The following WDR18 variants were observed in gnomAD, a reference collection of about 807,000 sequenced individuals.
The protein encoded by WDR18 is WD repeat domain 18.
Under a neutral mutation model 49.6 loss-of-function variants are expected in WDR18, and 33 were observed. That is an observed-to-expected ratio of 0.67 (90% CI 0.50 to 0.89). The LOEUF is 0.89. Among genes scored for constraint, WDR18 ranks in the 40% least tolerant of loss-of-function variants. The pLI, the probability that WDR18 is intolerant of heterozygous loss-of-function variation, is 0.00. For synonymous variants in WDR18, 315 were observed against 263.6 expected (o/e 1.19, Z -1.89); for missense variants, 653 against 593.6 (o/e 1.10, Z -1.04).
rs1193532995 is a variant in WDR18 at position 991,151 on chromosome 19, G to A, written c.806+6G>A. 2 of 1,567,812 alleles carry A rather than the reference G, an allele frequency of 1.3e-6. No individual in the cohort carries two copies. The highest frequency in any genetic ancestry group is 1.4e-5 in the African/African-American group (1 of 73,678). On this transcript the variant is annotated splice_donor_region_variant and intron_variant, in intron 6 of 9. Coordinates refer to ENST00000585809, the MANE Select transcript of WDR18 (RefSeq NM_024100.4). ...AAGGTCTTCAAAGGGCACAGGTGGGGACGTGGGAACGGGGCGGGGGCTCCC... is the reference window on the plus strand; with the variant it reads ...AAGGTCTTCAAAGGGCACAGGTGGGAACGTGGGAACGGGGCGGGGGCTCCC...
chr19:986,336 C>G lies in WDR18; in HGVS notation c.321+361C>G, dbSNP rs760084347. The stretch of plus-strand genomic sequence containing the variant: ...GGCGGCCGGGCGCAGTGGCTCATGC[C>G]GGTAGTCAATGCAACCTCTGCCTCC... On this transcript the variant is annotated intron_variant, in intron 2 of 9. Coordinates refer to ENST00000585809, the MANE Select transcript of WDR18 (RefSeq NM_024100.4). Among the ~76,000 whole-genome samples, 8 of 152,192 alleles carry G rather than the reference C, an allele frequency of 5.3e-5. 1 individual carries two copies. The highest frequency in any genetic ancestry group is 8.8e-5 in the Non-Finnish European group (6 of 68,038).
intron 3 of WDR18, 73 bp downstream of exon 3, chr19:989,968 C>A (rs1422119181): frequency 1.3e-6 from 2 of 1,526,572 alleles, no homozygotes; most frequent in Admixed American, 4.2e-5. Context: ...GGCGCCAAGG[C>A]CCCTGGCGGG....
chr19:988,665 C>T (rs1417844444), intron 2 of WDR18, among the ~76,000 whole-genome samples: 1 of 152,194 alleles, frequency 6.6e-6, no homozygotes, highest in Admixed American at 6.5e-5. Flanking sequence ...ATCAAGATGT[C>T]TGTGGGGCCA....
chr19:983,395 G>A (rs920365911), upstream of WDR18, among the ~76,000 whole-genome samples: 37 of 152,000 alleles, frequency 2.4e-4, no homozygotes, highest in African/African-American at 8.4e-4. Flanking sequence ...GGGTTCAAGC[G>A]ATTCTCCTGC....
chr19:993,919 C>G, intron 8 of WDR18, 101 bp from the exon 9 acceptor site: 1 of 1,358,280 alleles, frequency 7.4e-7, no homozygotes. Flanking sequence ...GGTGGCCCCT[C>G]CCTGGCTGAG....
rs1406412987 is a variant in WDR18 at position 994,071 on chromosome 19, T to A, written c.1150T>A (p.Cys384Ser). The A allele has an allele frequency of 6.4e-7, 1 of 1,559,138 alleles. No individual in the cohort carries two copies. The highest frequency in any genetic ancestry group is 1.2e-5 in the South Asian group (1 of 84,850). Residue 384 changes from cysteine (C) to serine (S), a missense_variant, in exon 9 of 10, where the codon TGC becomes AGC. Physicochemically the swap from Cys to Ser is moderately radical, Grantham distance 112. Transcript: ENST00000585809. The part of the protein sequence containing the change: ...DRTEQLQAVL[C>S]STMEKSVLGG... ...CACGGAGCAGCTGCAGGCCGTCCTGTGCAGCACCATGGAGAAGGTGGGCGG... is the reference window on the plus strand; with the variant it reads ...CACGGAGCAGCTGCAGGCCGTCCTGAGCAGCACCATGGAGAAGGTGGGCGG...
Position 991,954 on chromosome 19 carries a change from G to T in WDR18, c.932-1G>T, listed in dbSNP as rs904098435. ...CGGGGCCTGACCTCCGCGCCCCCCA[G>T]GCCCAGTCACCAATGCCGCCATCCT... On this transcript the variant is annotated splice_acceptor_variant, in intron 7 of 9. Transcript: ENST00000585809. LOFTEE classifies it high-confidence loss of function. 6.3e-7 allele frequency: 1 copy of T among 1,583,660 alleles called. No homozygotes were observed. Among genetic ancestry groups the T allele is most frequent in the Non-Finnish European group, 8.5e-7 (1 of 1,171,462 alleles).
Position 984,537 on chromosome 19 carries a change from A to G in WDR18, c.184A>G (p.Ile62Val), listed in dbSNP as rs61732720. ...LLAAQLGKNY[I>V]SAWELQRKDQ... ...GGCGGCGCAGCTGGGCAAGAATTAC[A>G]TCAGCGCCTGGGAGCTCCAGCGGAA... Residue 62 changes from isoleucine to valine, a missense_variant, in exon 1 of 10, where the codon ATC becomes GTC. Transcript: ENST00000585809. 0.12 allele frequency: 181,357 copies of G among 1,518,358 alleles called. 11,756 individuals carry two copies. The highest frequency in any genetic ancestry group is 0.2 in the South Asian group (16,245 of 80,696). The allele number at this position is 1,518,358 out of a possible 1,614,324, so 94.1% of individuals were successfully genotyped here. A position where few individuals can be genotyped will look rare whatever the true frequency, so the allele number is the denominator to read the frequency against.
intron 1 of WDR18, 149 bp from the exon 2 acceptor site, chr19:985,716 A>G: frequency 3.1e-6 from 2 of 648,876 alleles, no homozygotes; most frequent in South Asian, 3.6e-5. Context: ...TTGCTGGACC[A>G]TGCATTTGCT....
At chr19:989,623 C>T in intron 2 of WDR18, 139 bp from the exon 3 acceptor site, 1 of 1,273,372 alleles carries the variant, frequency 7.9e-7, no homozygotes, top group East Asian at 2.4e-5. Flanking sequence ...GACAGGGTCA[C>T]CCCGCAGTCC....
Position 990,328 on chromosome 19 carries a change from C to G in WDR18, c.561C>G (p.Ala187=), listed in dbSNP as rs2038528772. Residue 187 remains alanine (A), a synonymous_variant, in exon 4 of 10, where the codon GCC becomes GCG. Coordinates refer to ENST00000585809, the MANE Select transcript of WDR18 (RefSeq NM_024100.4). ...ACTGCGGCTTTGGGGGCCCCCTGGC[C>G]CGGGTGGCCACCTCCTCACTGGACC... is the stretch of plus-strand genomic sequence containing the variant. ...DLHCGFGGPL[A]RVATSSLDQT... is the part of the protein sequence containing the mutation. The G allele has an allele frequency of 1.3e-6, 2 of 1,592,294 alleles. No homozygotes were observed. Among genetic ancestry groups the G allele is most frequent in the African/African-American group, 1.3e-5 (1 of 74,702 alleles).
chr19:991,671 CTG>C (rs1478355491), intron 7 of WDR18, among the ~76,000 whole-genome samples: 2 of 62,062 alleles, frequency 3.2e-5, no homozygotes, highest in African/African-American at 7.2e-5. Flanking sequence ...CGGGGCCTGG[CTG>C]GGGGCGTGGA....
At chr19:983,933 T>A (rs1046298141), upstream of WDR18, among the ~76,000 whole-genome samples, 7 of 152,074 alleles carry the variant, frequency 4.6e-5, no homozygotes. Flanking sequence ...CAACTAGCCA[T>A]GTTGCTGGGT....
Position 991,377 on chromosome 19 carries a change from G to A in WDR18, c.931+26G>A, listed in dbSNP as rs918374347. 1.9e-5 allele frequency: 29 copies of A among 1,533,492 alleles called. No homozygotes were observed. The East Asian group carries it at 7.0e-4, about 37-fold the overall frequency. The allele number at this position is 1,533,492 out of a possible 1,614,324, so 95.0% of individuals were successfully genotyped here. A position where few individuals can be genotyped will look rare whatever the true frequency, so the allele number is the denominator to read the frequency against. On this transcript the variant is annotated intron_variant, in intron 7 of 9. Transcript: ENST00000585809. The stretch of plus-strand genomic sequence containing the variant: ...GTGGGCGCGCCTCTGCTCGGCCCGC[G>A]GCCAGCGCGCAGGGGAAAAAGCCAG...
intron 2 of WDR18, among the ~76,000 whole-genome samples, chr19:986,401 C>G (rs1221718395): frequency 2.0e-5 from 3 of 152,072 alleles, no homozygotes; most frequent in African/African-American, 7.2e-5. Flanking sequence ...TCCTGAGTAG[C>G]TGGGATTCCA....
intron 2 of WDR18, among the ~76,000 whole-genome samples, chr19:986,342 T>G (rs535088397): frequency 6.6e-6 from 1 of 152,296 alleles, no homozygotes; most frequent in East Asian, 1.9e-4. Flanking sequence ...ATGCCGGTAG[T>G]CAATGCAACC....
chr19:989,785 C>T lies in WDR18; in HGVS notation c.345C>T (p.Val115=), dbSNP rs965327265. 6.8e-6 allele frequency: 11 copies of T among 1,612,876 alleles called. No homozygotes were observed. The highest frequency in any genetic ancestry group is 5.3e-5 in the African/African-American group (4 of 75,068). ...AGGTCTCCACCGGGAACCTTCTGGT[C>T]ATCCTGAGTCGACACTACCAGGACG... is the stretch of plus-strand genomic sequence containing the variant. ...LWEVSTGNLL[V]ILSRHYQDVS... The change falls in exon 3 of 10, where the codon GTC becomes GTT. Residue 115 remains valine (V), a synonymous_variant. Transcript: ENST00000585809.
chr19:992,344 C>T (rs2038570821), intron 8 of WDR18, among the ~76,000 whole-genome samples: 4 of 152,348 alleles, frequency 2.6e-5, no homozygotes, highest in South Asian at 2.1e-4. Flanking sequence ...CCTCTTCCCC[C>T]GGCCAGCAGG....
upstream of WDR18, among the ~76,000 whole-genome samples, chr19:983,118 G>C (rs558774948): frequency 3.3e-5 from 5 of 152,320 alleles, no homozygotes; most frequent in African/African-American, 1.2e-4. Flanking sequence ...CCCTTTTTAA[G>C]GGGTTGGCAA....
Sources: gnomAD v4.1 joint callset for allele counts (sites outside exome capture counted in the v4.1 genomes callset) on GRCh38, gnomAD v4.1.1 for gene constraint, MANE v1.5 for transcripts, NCBI Gene and HGNC (gene_info 2026-07-23, HGNC 2026-07-21) for gene names.